CEP44: variants seen among roughly 807,000 people sequenced by gnomAD.
CEP44 encodes the protein centrosomal protein 44.
A neutral mutation model predicts 46.7 loss-of-function variants in CEP44; 45 were observed. The observed-to-expected ratio is 0.96, with a 90% CI of 0.76 to 1.24. The LOEUF is 1.24. Ranked by LOEUF, CEP44 falls within the 50% of genes most tolerant of loss-of-function variation. The probability of loss-of-function intolerance (pLI) is 0.00; values close to 1 mark genes in which losing one functional copy is unlikely to be tolerated. For missense variants in CEP44, 475 were observed against 459.7 expected (o/e 1.03, Z -0.30); for synonymous variants, 142 against 146.0 (o/e 0.97, Z 0.20).
intron 1 of CEP44, among the ~76,000 whole-genome samples, chr4:174,294,006 A>G (rs1242155300): frequency 2.0e-5 from 3 of 148,546 alleles, no homozygotes; most frequent in African/African-American, 7.4e-5. Flanking sequence ...ATGATAAATG[A>G]TTTTGAGCCT....
intron 6 of CEP44, among the ~76,000 whole-genome samples, chr4:174,304,596 T>C (rs1380054391): frequency 6.6e-6 from 1 of 152,246 alleles, no homozygotes; most frequent in Non-Finnish European, 1.5e-5. Context: ...TTCTAATTTC[T>C]AATTCTGCCG....
rs1315986452 is a variant in CEP44 at position 174,318,086 on chromosome 4, G to A, written c.*703G>A. On this transcript the variant is annotated 3_prime_UTR_variant, in exon 12 of 12. Coordinates refer to ENST00000503780, the MANE Select transcript of CEP44 (RefSeq NM_001040157.3). ...GTATAATTTTTTTGGAGGGGGGGATGGAGTTTCGCTGTTGTTGCCCAGGCT... is the reference window on the plus strand; with the variant it reads ...GTATAATTTTTTTGGAGGGGGGGATAGAGTTTCGCTGTTGTTGCCCAGGCT... The A allele has an allele frequency of 6.1e-6, 6 of 984,162 alleles. No individual in the cohort carries two copies. Among genetic ancestry groups the A allele is most frequent in the Non-Finnish European group, 7.2e-6 (6 of 828,962 alleles). The allele number at this position is 984,162 out of a possible 1,614,324, so 61.0% of individuals were successfully genotyped here. A position where few individuals can be genotyped will look rare whatever the true frequency, so the allele number is the denominator to read the frequency against.
chr4:174,293,070 CCA>C (rs1354193892), intron 1 of CEP44, among the ~76,000 whole-genome samples: 1 of 152,182 alleles, frequency 6.6e-6, no homozygotes, highest in African/African-American at 2.4e-5. Flanking sequence ...GACTTCCAAA[CCA>C]CAGTCACTTA....
Position 174,320,182 on chromosome 4 carries a change from A to ATT in CEP44, c.*2799_*2800insTT. On this transcript the variant is annotated 3_prime_UTR_variant, in exon 12 of 12. Transcript: ENST00000503780. The stretch of plus-strand genomic sequence containing the variant: ...ATACTAGTCAGAAAGGGTTCAGAAG[A>ATT]AGTTAGCATCAACTGTATGAAAATT... 1.0e-6 allele frequency: 1 copy of ATT among 985,232 alleles called. No individual in the cohort carries two copies. Among genetic ancestry groups the ATT allele is most frequent in the Non-Finnish European group, 1.2e-6 (1 of 829,794 alleles). 61.0% of individuals were successfully genotyped at this position (985,232 alleles called of 1,614,324 possible).
intron 1 of CEP44, among the ~76,000 whole-genome samples, chr4:174,284,754 CTCTT>C (rs1462922395): frequency 1.3e-5 from 2 of 152,216 alleles, no homozygotes; most frequent in African/African-American, 2.4e-5. Flanking sequence ...TTTCTCCTAT[CTCTT>C]AGAGAAGTAT....
At chr4:174,285,272 G>A (rs181969634) in intron 1 of CEP44, among the ~76,000 whole-genome samples, 36 of 152,264 alleles carry the variant, frequency 2.4e-4, no homozygotes, top group African/African-American at 8.7e-4. Flanking sequence ...GTAATAGATT[G>A]GCTTCTTTTA....
chr4:174,325,142 A>G (rs1742581838), downstream of CEP44, among the ~76,000 whole-genome samples: 1 of 152,130 alleles, frequency 6.6e-6, no homozygotes, highest in African/African-American at 2.4e-5. The surrounding 1 kb of genome is among the most constrained non-coding windows in gnomAD (Gnocchi z 4.4). Context: ...TTTATTTGCC[A>G]TTAGTATATC....
Position 174,319,930 on chromosome 4 carries a change from T to C in CEP44, c.*2547T>C, listed in dbSNP as rs914380118. On this transcript the variant is annotated 3_prime_UTR_variant, in exon 12 of 12. Transcript: ENST00000503780. ...TATAAACTAGCCACTGTTGATTAACTTGAGAAGGTGAAGCAGGGGAGTTCT... is the reference window on the plus strand; with the variant it reads ...TATAAACTAGCCACTGTTGATTAACCTGAGAAGGTGAAGCAGGGGAGTTCT... 5.1e-6 allele frequency: 5 copies of C among 985,150 alleles called. No individual in the cohort carries two copies. The highest frequency in any genetic ancestry group is 3.5e-5 in the African/African-American group (2 of 57,248). 61.0% of individuals were successfully genotyped at this position (985,150 alleles called of 1,614,324 possible).
At chr4:174,313,030 C>T (rs111886301) in intron 9 of CEP44, among the ~76,000 whole-genome samples, 96 of 152,142 alleles carry the variant, frequency 6.3e-4, no homozygotes, top group African/African-American at 2.3e-3. Flanking sequence ...GAAGCAAGGG[C>T]TACGGGTGCT....
rs575230037 is a variant in CEP44 at position 174,318,812 on chromosome 4, T to G, written c.*1429T>G. The G allele has an allele frequency of 1.5e-5, 11 of 728,130 alleles. No individual in the cohort carries two copies. The highest frequency in any genetic ancestry group is 1.8e-5 in the Non-Finnish European group (11 of 596,448). The allele number at this position is 728,130 out of a possible 1,614,324, so 45.1% of individuals were successfully genotyped here. A position where few individuals can be genotyped will look rare whatever the true frequency, so the allele number is the denominator to read the frequency against. ...AACATTTTTAGAATTCCTTTGTTTT[T>G]TTTTTTTTTCTTTTTGAAACAGGGT... is the stretch of plus-strand genomic sequence containing the variant. On this transcript the variant is annotated 3_prime_UTR_variant, in exon 12 of 12. Coordinates refer to ENST00000503780, the MANE Select transcript of CEP44 (RefSeq NM_001040157.3).
At position 174,319,398 on chromosome 4, in the gene CEP44, G is replaced by C. The variant is rs1323957871; in HGVS notation, c.*2015G>C. The C allele has an allele frequency of 3.0e-6, 3 of 984,550 alleles. No homozygotes were observed. The highest frequency in any genetic ancestry group is 3.6e-6 in the Non-Finnish European group (3 of 829,324). 61.0% of individuals were successfully genotyped at this position (984,550 alleles called of 1,614,324 possible). A position where few individuals can be genotyped will look rare whatever the true frequency, so the allele number is the denominator to read the frequency against. ...TTAACATGCCAGTATTTTACCTTTT[G>C]TTAAAACAAGTGATTTCCCATCAAA... is the stretch of plus-strand genomic sequence containing the variant. On this transcript the variant is annotated 3_prime_UTR_variant, in exon 12 of 12. Coordinates refer to ENST00000503780, the MANE Select transcript of CEP44 (RefSeq NM_001040157.3).
In CEP44 at chr4:174,319,407, A is replaced by T. The variant is rs1230677920; in HGVS notation, c.*2024A>T. 4.1e-6 allele frequency: 4 copies of T among 984,350 alleles called. No individual in the cohort carries two copies. In the African/African-American group the frequency reaches 7.0e-5, roughly 17 times the overall value. 61.0% of individuals were successfully genotyped at this position (984,350 alleles called of 1,614,324 possible). On this transcript the variant is annotated 3_prime_UTR_variant, in exon 12 of 12. Transcript: ENST00000503780. ...CAGTATTTTACCTTTTGTTAAAACA[A>T]GTGATTTCCCATCAAACAGGATAAT...
At chr4:174,330,488 CA>C (rs199858781) in intron 8 of CEP44, among the ~76,000 whole-genome samples, 1,481 of 75,020 alleles carry the variant, frequency 0.02, 13 homozygotes, top group African/African-American at 0.054. Flanking sequence ...GACTTCGTCT[CA>C]AAAAAAAAAA....
Position 174,331,388 on chromosome 4 carries a change from A to G in CEP44, c.1087-94A>G. On this transcript the variant is annotated intron_variant, in intron 8 of 8. Transcript: ENST00000426172. This position sits in a 1 kb window ranked among gnomAD's most constrained non-coding sequence, Gnocchi z 4.5. ...CTATTATGGAAGAGGAGGAAATATT[A>G]ATAGCACTCTGACACTGCTCTAATT... 2 of 1,299,808 alleles carry G rather than the reference A, an allele frequency of 1.5e-6. No homozygotes were observed. Among genetic ancestry groups the G allele is most frequent in the South Asian group, 1.7e-5 (1 of 57,646 alleles). 80.5% of individuals were successfully genotyped at this position (1,299,808 alleles called of 1,614,324 possible).
intron 9 of CEP44, among the ~76,000 whole-genome samples, chr4:174,313,833 G>T (rs1031129756): frequency 6.6e-6 from 1 of 152,110 alleles, no homozygotes; most frequent in African/African-American, 2.4e-5. Context: ...ATGTGATTGG[G>T]TAGGTGATTG....
chr4:174,318,654 C>A lies in CEP44; in HGVS notation c.*1271C>A, dbSNP rs984251703. The A allele has an allele frequency of 1.7e-6, 1 of 581,108 alleles. No homozygotes were observed. 36.0% of individuals were successfully genotyped at this position (581,108 alleles called of 1,614,324 possible). A position where few individuals can be genotyped will look rare whatever the true frequency, so the allele number is the denominator to read the frequency against. On this transcript the variant is annotated 3_prime_UTR_variant, in exon 12 of 12. Coordinates refer to ENST00000503780, the MANE Select transcript of CEP44 (RefSeq NM_001040157.3). Reference sequence around the variant, plus strand: ...ACCATCTGATTATATTTTATTTATTCATCTATTTATGGTATGTATGTATAA... The same window carrying A: ...ACCATCTGATTATATTTTATTTATTAATCTATTTATGGTATGTATGTATAA...
chr4:174,292,323 A>G (rs571303506), intron 1 of CEP44, among the ~76,000 whole-genome samples: 45 of 152,254 alleles, frequency 3.0e-4, no homozygotes, highest in Middle Eastern at 3.4e-3. Flanking sequence ...AATTCATTAT[A>G]GTGTCTATTG....
At position 174,299,069 on chromosome 4, in the gene CEP44, C is replaced by G; in HGVS notation, c.-50-3C>G. 2 of 1,476,864 alleles carry G rather than the reference C, an allele frequency of 1.4e-6. No homozygotes were observed. The highest frequency in any genetic ancestry group is 1.9e-6 in the Non-Finnish European group (2 of 1,064,250). 91.5% of individuals were successfully genotyped at this position (1,476,864 alleles called of 1,614,324 possible). A position where few individuals can be genotyped will look rare whatever the true frequency, so the allele number is the denominator to read the frequency against. The stretch of plus-strand genomic sequence containing the variant: ...CCAGTATTTCATGGATTTCTATTTT[C>G]AGGTGAAAAATTAGACGATTTCAAG... On this transcript the variant is annotated splice_region_variant and splice_polypyrimidine_tract_variant and intron_variant, in intron 2 of 11. Transcript: ENST00000503780.
chr4:174,293,856 C>G (rs1389103308), intron 1 of CEP44, among the ~76,000 whole-genome samples: 3 of 152,130 alleles, frequency 2.0e-5, no homozygotes, highest in Non-Finnish European at 4.4e-5. Context: ...ATAGGACATC[C>G]TCGTGTTATT....
Sources: allele counts gnomAD v4.1 joint callset (sites outside exome capture counted in the v4.1 genomes callset), GRCh38; gene constraint gnomAD v4.1.1; non-coding constraint Gnocchi (gnomAD v3.1); transcripts MANE v1.5; gene names NCBI Gene and HGNC (gene_info 2026-07-23, HGNC 2026-07-21).